PCMT1: variants seen among roughly 807,000 people sequenced by gnomAD.
PCMT1 encodes protein-L-isoaspartate (D-aspartate) O-methyltransferase, also known as protein-L-isoaspartate(D-aspartate) O-methyltransferase.
A neutral mutation model predicts 29.2 loss-of-function variants in PCMT1; 9 were observed. That is an observed-to-expected ratio of 0.31 (90% CI 0.19 to 0.54). The LOEUF (loss-of-function observed/expected upper bound fraction) is 0.54, where lower values mean the gene tolerates loss of function less well. Among genes scored for constraint, PCMT1 ranks in the 20% least tolerant of loss-of-function variants. PCMT1 has a pLI of 0.95. For synonymous variants in PCMT1, 98 were observed against 97.5 expected, an observed-to-expected ratio of 1.00 and a Z score of -0.03; for missense variants, 184 against 282.2, an observed-to-expected ratio of 0.65 and a Z score of 2.49.
In PCMT1 at chr6:149,761,756, C is replaced by G. The variant is rs774230022; in HGVS notation, c.56-9406C>G. On this transcript the variant is annotated intron_variant, in intron 1 of 7. Coordinates refer to ENST00000464889, the MANE Select transcript of PCMT1 (RefSeq NM_001360452.2). Reference sequence around the variant, plus strand: ...GAAAGGGTATTAGGGAGTTCCCGCTCTCATTTCCTAATTGATTGACAGTTC... The same window carrying G: ...GAAAGGGTATTAGGGAGTTCCCGCTGTCATTTCCTAATTGATTGACAGTTC... 2.0e-4 allele frequency among the ~76,000 whole-genome samples: 30 copies of G among 152,278 alleles called. 1 individual carries two copies. In the South Asian group the frequency reaches 2.3e-3, roughly 12 times the overall value.
chr6:149,753,280 T>C (rs1786396475), intron 1 of PCMT1, among the ~76,000 whole-genome samples: 1 of 152,102 alleles, frequency 6.6e-6, no homozygotes, highest in African/African-American at 2.4e-5. Context: ...ATTGTGTTGA[T>C]GTTGAAATGA....
intron 6 of PCMT1, chr6:149,796,740 C>G: frequency 8.3e-6 from 3 of 362,824 alleles, no homozygotes; most frequent in East Asian, 4.5e-5. Context: ...ACTAGGACAA[C>G]AGTAGAATTG....
At chr6:149,774,049 A>G (rs1787447267) in intron 3 of PCMT1, among the ~76,000 whole-genome samples, 1 of 151,696 alleles carries the variant, frequency 6.6e-6, no homozygotes, top group Non-Finnish European at 1.5e-5. Flanking sequence ...ATGCAGTGGT[A>G]TAATCATCAC....
At chr6:149,755,295 G>C (rs921965327) in intron 1 of PCMT1, among the ~76,000 whole-genome samples, 4 of 152,116 alleles carry the variant, frequency 2.6e-5, no homozygotes, top group African/African-American at 9.7e-5. Context: ...GTGCATGCCT[G>C]TAGTCTCAGC....
chr6:149,765,966 C>CA (rs1294849330), intron 1 of PCMT1, among the ~76,000 whole-genome samples: 41 of 126,728 alleles, frequency 3.2e-4, no homozygotes, highest in South Asian at 1.0e-3. Flanking sequence ...AACTCTGTCT[C>CA]AAAAAAAAAA....
Position 149,784,469 on chromosome 6 carries a change from C to T in PCMT1, c.193-5485C>T, listed in dbSNP as rs78584976. On this transcript the variant is annotated intron_variant, in intron 3 of 7. Transcript: ENST00000464889. ...AATTTACTAATCTTGTTTTATTTAA[C>T]TCTCTCTTTTTTTTTTTTTGAGGCA... 7.1e-3 allele frequency among the ~76,000 whole-genome samples: 1,075 copies of T among 151,802 alleles called. 8 individuals are homozygous for T. Among genetic ancestry groups the T allele is most frequent in the Non-Finnish European group, 0.012 (843 of 67,894 alleles).
intron 3 of PCMT1, among the ~76,000 whole-genome samples, chr6:149,773,622 G>T (rs1298633607): frequency 6.6e-6 from 1 of 152,074 alleles, no homozygotes; most frequent in Non-Finnish European, 1.5e-5. Flanking sequence ...CTCGTGATCC[G>T]CCTGCCTCGG....
intron 6 of PCMT1, among the ~76,000 whole-genome samples, chr6:149,800,323 G>T (rs1775786297): frequency 6.6e-6 from 1 of 152,062 alleles, no homozygotes; most frequent in Non-Finnish European, 1.5e-5. Flanking sequence ...AAAAAAATTA[G>T]TCGGGCTCGG....
At chr6:149,802,506 A>G (rs1775868551) in intron 7 of PCMT1, 90 bp downstream of exon 7, 1 of 1,308,398 alleles carries the variant, frequency 7.6e-7, no homozygotes, top group East Asian at 2.7e-5. Context: ...TCAGAAATTC[A>G]TTACATTAAA....
At chr6:149,757,137 AAG>A in intron 1 of PCMT1, among the ~76,000 whole-genome samples, 1 of 152,172 alleles carries the variant, frequency 6.6e-6, no homozygotes, top group East Asian at 1.9e-4. Flanking sequence ...CTGGGTGAAA[AAG>A]CGAAACTGCC....
chr6:149,792,638 C>T (rs1251599859), intron 4 of PCMT1, among the ~76,000 whole-genome samples: 4 of 151,872 alleles, frequency 2.6e-5, no homozygotes, highest in African/African-American at 9.7e-5. Flanking sequence ...ACATCAGCCT[C>T]CTAAGTAGCT....
At chr6:149,798,949 G>T (rs559864425) in intron 6 of PCMT1, 4 of 152,152 alleles carry the variant, frequency 2.6e-5, no homozygotes, top group Admixed American at 6.6e-5. Flanking sequence ...CTAACACAAA[G>T]AATTTTTAAA....
intron 1 of PCMT1, among the ~76,000 whole-genome samples, chr6:149,754,927 C>T (rs1244346270): frequency 6.6e-6 from 1 of 152,142 alleles, no homozygotes; most frequent in Non-Finnish European, 1.5e-5. Flanking sequence ...TGTAATGATA[C>T]TTGTTCTATT....
chr6:149,785,350 GTTTTCTT>G (rs1338111156), intron 3 of PCMT1, among the ~76,000 whole-genome samples: 1 of 52,934 alleles, frequency 1.9e-5, no homozygotes, highest in Non-Finnish European at 3.3e-5. Flanking sequence ...GGCATTGGCT[GTTTTCTT>G]TTTTTTTTTT....
At chr6:149,772,685 G>A (rs1787383474) in intron 2 of PCMT1, 1 of 414,904 alleles carries the variant, frequency 2.4e-6, no homozygotes, top group Non-Finnish European at 4.7e-6. Flanking sequence ...TCTAATAGAA[G>A]TAAGTTTTAT....
chr6:149,786,626 C>T (rs1788102430), intron 3 of PCMT1, among the ~76,000 whole-genome samples: 1 of 148,400 alleles, frequency 6.7e-6, no homozygotes, highest in African/African-American at 2.5e-5. Flanking sequence ...ACGCTCCTCA[C>T]CTCCCAGACG....
intron 3 of PCMT1, among the ~76,000 whole-genome samples, chr6:149,779,668 C>T (rs1032714459): frequency 6.6e-6 from 1 of 151,858 alleles, no homozygotes; most frequent in Non-Finnish European, 1.5e-5. Context: ...AAATTAGCCA[C>T]GTGTGGTGGC....
At chr6:149,749,723 G>C (rs1160575595), upstream of PCMT1, 1 of 1,540,408 alleles carries the variant, frequency 6.5e-7, no homozygotes, top group South Asian at 1.2e-5. Flanking sequence ...TGCGTGCCGC[G>C]GGGGATGCCG....
intron 1 of PCMT1, among the ~76,000 whole-genome samples, chr6:149,757,246 C>A (rs1279988222): frequency 3.3e-5 from 5 of 152,118 alleles, no homozygotes; most frequent in Admixed American, 3.3e-4. Context: ...AGCTAGTGCC[C>A]ACCCTGTTGG....
Sources: gnomAD v4.1 joint callset for allele counts (sites outside exome capture counted in the v4.1 genomes callset) on GRCh38, gnomAD v4.1.1 for gene constraint, MANE v1.5 for transcripts, NCBI Gene and HGNC (gene_info 2026-07-23, HGNC 2026-07-21) for gene names.